VPS8: variants seen among roughly 807,000 people sequenced by gnomAD.
VPS8 encodes vacuolar protein sorting-associated protein 8 homolog.
Under a neutral mutation model 216.4 loss-of-function variants are expected in VPS8, and 129 were observed. The observed-to-expected ratio is 0.60, with a 90% CI of 0.52 to 0.69. The LOEUF is 0.69. VPS8 is among the 30% of genes least tolerant of loss of function. The pLI is 0.00. For synonymous variants in VPS8, 571 were observed against 565.4 expected, an observed-to-expected ratio of 1.01 and a Z score of -0.14; for missense variants, 1,531 against 1,683.5, an observed-to-expected ratio of 0.91 and a Z score of 1.59.
intron 4 of VPS8, among the ~76,000 whole-genome samples, chr3:184,834,227 C>T (rs574139292): frequency 7.9e-5 from 12 of 152,264 alleles, no homozygotes; most frequent in Non-Finnish European, 1.6e-4. Flanking sequence ...ACATGAGAAC[C>T]TACTGCCGCA....
rs373632644 is a variant in VPS8 at position 185,052,038 on chromosome 3, G to A, written c.*13G>A. 63 of 1,606,926 alleles carry A rather than the reference G, an allele frequency of 3.9e-5. No homozygotes were observed. In the Middle Eastern group the frequency reaches 1.2e-3, roughly 30 times the overall value. On this transcript the variant is annotated 3_prime_UTR_variant, in exon 48 of 48. Transcript: ENST00000625842. ...GACTGAGGATTGATGACTCCATGGA[G>A]CCTGGCCCAGGAGAACCAGAGATGA...
intron 3 of VPS8, among the ~76,000 whole-genome samples, chr3:184,827,728 T>C (rs1434173775): frequency 6.6e-6 from 1 of 152,238 alleles, no homozygotes; most frequent in Non-Finnish European, 1.5e-5. Flanking sequence ...AGTATAGTCA[T>C]TAGTGGTTTA....
chr3:184,971,534 T>G (rs1748403075), intron 39 of VPS8, 115 bp from the exon 40 acceptor site: 2 of 636,244 alleles, frequency 3.1e-6, no homozygotes, highest in Non-Finnish European at 5.3e-6. Context: ...TTATTAATTA[T>G]TATATACTAG....
chr3:184,874,228 C>T (rs1363611227), intron 21 of VPS8, among the ~76,000 whole-genome samples: 1 of 151,996 alleles, frequency 6.6e-6, no homozygotes, highest in Non-Finnish European at 1.5e-5. Context: ...TCCTGGAATG[C>T]CTGTGACGTA....
chr3:184,870,719 G>A lies in VPS8; in HGVS notation c.1648G>A (p.Val550Ile), dbSNP rs770514388. 6.2e-7 allele frequency: 1 copy of A among 1,610,408 alleles called. No homozygotes were observed. Among genetic ancestry groups the A allele is most frequent in the Non-Finnish European group, 8.5e-7 (1 of 1,178,162 alleles). ...KRKAIVADRM[V>I]EILFHYADRA... is the part of the protein sequence containing the mutation. Reference sequence around the variant, plus strand: ...TGCCAGGCTGTTTTCCTTACAGATGGTAGAAATCCTATTCCATTATGCAGA... The same window carrying A: ...TGCCAGGCTGTTTTCCTTACAGATGATAGAAATCCTATTCCATTATGCAGA... The change falls in exon 21 of 48, where the codon GTA (valine) becomes ATA (isoleucine). Residue 550 changes from valine to isoleucine, a missense_variant. By Grantham distance (29) the Val-to-Ile change is conservative. This residue lies in a region of VPS8 where 1,318 missense variants were observed against 1,468.4 expected (regional missense o/e 0.90). Transcript: ENST00000625842.
In VPS8 at chr3:184,839,731, C is replaced by A. The variant is rs1433066614; in HGVS notation, c.514C>A (p.His172Asn). 1 of 1,605,608 alleles carries A rather than the reference C, an allele frequency of 6.2e-7. No homozygotes were observed. Among genetic ancestry groups the A allele is most frequent in the Admixed American group, 1.7e-5 (1 of 58,920 alleles). The change falls in exon 7 of 48, where the codon CAT (histidine) becomes AAT (asparagine). Residue 172 changes from histidine to asparagine, a missense_variant. Transcript: ENST00000625842. The part of the protein sequence containing the change: ...VSSLIAVGTS[H>N]GLALIFGKDQ... ...CAGTCTGATAGCAGTGGGTACATCT[C>A]ATGGATTGGCTTTAATATTTGGTAA...
intron 3 of VPS8, among the ~76,000 whole-genome samples, chr3:184,831,539 C>G (rs1403147189): frequency 4.6e-5 from 7 of 152,184 alleles, no homozygotes; most frequent in Non-Finnish European, 8.8e-5. Flanking sequence ...GTTTGTCACT[C>G]AGAATCAACT....
At chr3:184,934,414 A>G (rs911616203) in intron 34 of VPS8, among the ~76,000 whole-genome samples, 3 of 151,864 alleles carry the variant, frequency 2.0e-5, no homozygotes, top group African/African-American at 7.3e-5. Flanking sequence ...CAAATGATTC[A>G]CCTACCTTGG....
At chr3:184,992,422 TG>T (rs1752022520) in intron 42 of VPS8, among the ~76,000 whole-genome samples, 1 of 152,132 alleles carries the variant, frequency 6.6e-6, no homozygotes, top group South Asian at 2.1e-4. Context: ...TATCCAGACT[TG>T]GGAGACCAGT....
At chr3:184,955,217 C>T (rs1375162592) in intron 36 of VPS8, among the ~76,000 whole-genome samples, 1 of 152,202 alleles carries the variant, frequency 6.6e-6, no homozygotes, top group East Asian at 1.9e-4. Flanking sequence ...AAACCCCTCC[C>T]TGTGGTGCTG....
At chr3:184,990,885 C>T (rs1037614661) in intron 42 of VPS8, among the ~76,000 whole-genome samples, 5 of 150,302 alleles carry the variant, frequency 3.3e-5, no homozygotes, top group Admixed American at 6.6e-5. Flanking sequence ...TTGATCTTCA[C>T]GTGTTTATTC....
chr3:184,979,371 G>A (rs957523264), intron 40 of VPS8, among the ~76,000 whole-genome samples: 5 of 152,038 alleles, frequency 3.3e-5, no homozygotes, highest in African/African-American at 4.8e-5. Context: ...TTTCTGCCTC[G>A]ATAATCTGTC....
At chr3:184,889,944 TA>T (rs1732032923) in intron 22 of VPS8, among the ~76,000 whole-genome samples, 1 of 152,228 alleles carries the variant, frequency 6.6e-6, no homozygotes, top group Admixed American at 6.5e-5. Flanking sequence ...ATGCAATGAC[TA>T]AAGATTTATT....
At chr3:184,974,737 T>G (rs1298478252) in intron 40 of VPS8, among the ~76,000 whole-genome samples, 1 of 152,120 alleles carries the variant, frequency 6.6e-6, no homozygotes, top group African/African-American at 2.4e-5. Flanking sequence ...TTTTGTATAT[T>G]GTGAGATATA....
At chr3:185,051,634 C>G (rs2108564819) in intron 47 of VPS8, among the ~76,000 whole-genome samples, 1 of 152,260 alleles carries the variant, frequency 6.6e-6, no homozygotes, top group South Asian at 2.1e-4. Flanking sequence ...GTTTGAGTGC[C>G]CTTGGGAGCA....
intron 40 of VPS8, among the ~76,000 whole-genome samples, chr3:184,972,548 G>A (rs191360516): frequency 8.1e-4 from 124 of 152,284 alleles, no homozygotes; most frequent in Non-Finnish European, 1.6e-3. Context: ...CAGTACTCAG[G>A]CTGCACCCCA....
At chr3:184,854,284 T>C in intron 13 of VPS8, 111 bp downstream of exon 13, 1 of 1,187,458 alleles carries the variant, frequency 8.4e-7, no homozygotes, top group East Asian at 2.4e-5. Context: ...CTAGACAGGA[T>C]GAAAGTCAGT....
intron 28 of VPS8, among the ~76,000 whole-genome samples, chr3:184,917,517 C>A (rs1190998284): frequency 6.6e-6 from 1 of 152,142 alleles, no homozygotes; most frequent in African/African-American, 2.4e-5. Flanking sequence ...GCAACCTCCA[C>A]CTCCTGGGTT....
At chr3:185,041,036 C>A (rs1376613091) in intron 46 of VPS8, among the ~76,000 whole-genome samples, 1 of 152,134 alleles carries the variant, frequency 6.6e-6, no homozygotes, top group Non-Finnish European at 1.5e-5. Flanking sequence ...ATCCCTGTCT[C>A]TACTGAAAAA....
Sources: gnomAD v4.1 joint callset for allele counts (sites outside exome capture counted in the v4.1 genomes callset) on GRCh38, gnomAD v4.1.1 for gene constraint, gnomAD v4.1.1 regional missense constraint, MANE v1.5 for transcripts, NCBI Gene and HGNC (gene_info 2026-07-23, HGNC 2026-07-21) for gene names.